Variants in AVL9 observed in about 807,000 individuals in gnomAD.
The protein encoded by AVL9 is late secretory pathway protein AVL9 homolog.
A neutral mutation model predicts 79.2 loss-of-function variants in AVL9; 49 were observed. The observed-to-expected ratio is 0.62, with a 90% confidence interval of 0.49 to 0.79. The LOEUF (loss-of-function observed/expected upper bound fraction) is 0.79. Ranked by LOEUF, AVL9 falls within the 30% of genes least tolerant of loss-of-function variation. AVL9 has a pLI of 0.00. For missense variants in AVL9, 682 were observed against 776.8 expected (o/e 0.88, Z 1.45); for synonymous variants, 299 against 280.6 (o/e 1.07, Z -0.65).
At chr7:32,512,447 A>G (rs2128118813) in intron 1 of AVL9, among the ~76,000 whole-genome samples, 1 of 152,342 alleles carries the variant, frequency 6.6e-6, no homozygotes, top group Non-Finnish European at 1.5e-5. Flanking sequence ...AACTACCAGT[A>G]GGCACAAAGC....
intron 7 of AVL9, among the ~76,000 whole-genome samples, chr7:32,554,213 TAACA>T (rs1207059126): frequency 6.6e-6 from 1 of 152,206 alleles, no homozygotes; most frequent in African/African-American, 2.4e-5. Context: ...ATTATTTATT[TAACA>T]AACATTTACT....
rs1791735894 is a variant in AVL9 at position 32,585,495 on chromosome 7, A to T, written c.*1588A>T. The T allele has an allele frequency of 6.6e-6, 1 of 152,214 alleles. No homozygotes were observed. Among genetic ancestry groups the T allele is most frequent in the Admixed American group, 6.5e-5 (1 of 15,288 alleles). 9.4% of individuals were successfully genotyped at this position (152,214 alleles called of 1,614,324 possible). On this transcript the variant is annotated 3_prime_UTR_variant, in exon 16 of 16. Coordinates refer to ENST00000318709, the MANE Select transcript of AVL9 (RefSeq NM_015060.3). Reference sequence around the variant, plus strand: ...TTCTCAGAGAGTACTTACGGGGAACAGACTGCCTTTTAGTAACAAGGGATA... The same window carrying T: ...TTCTCAGAGAGTACTTACGGGGAACTGACTGCCTTTTAGTAACAAGGGATA...
rs191502447 is a variant in AVL9, at chr7:32,569,983, C to T, written c.1216-37C>T. 2.9e-5 allele frequency: 47 copies of T among 1,607,864 alleles called. No individual in the cohort carries two copies. In the South Asian group the frequency reaches 3.6e-4, roughly 12 times the overall value. On this transcript the variant is annotated intron_variant, in intron 10 of 15. Transcript: ENST00000318709. ...GTTTAAAGAGAAAGGTAACCTTTTA[C>T]TTTTCTGATATTTTCTATTACTCTT...
intron 1 of AVL9, among the ~76,000 whole-genome samples, chr7:32,527,107 A>G (rs1402508920): frequency 6.6e-6 from 1 of 152,192 alleles, no homozygotes; most frequent in African/African-American, 2.4e-5. Context: ...AATTAGGTCA[A>G]GGTCAGACCC....
At chr7:32,580,188 C>T in intron 13 of AVL9, 31 bp from the exon 14 acceptor site, 22 of 1,566,794 alleles carry the variant, frequency 1.4e-5, no homozygotes, top group Non-Finnish European at 1.9e-5. Context: ...TGGTAAAATA[C>T]TGATAGTTTA....
chr7:32,541,355 C>T (rs532625380), intron 1 of AVL9, among the ~76,000 whole-genome samples: 5 of 151,936 alleles, frequency 3.3e-5, no homozygotes, highest in Non-Finnish European at 5.9e-5. Context: ...AATATCTGTA[C>T]ATCAAAATTT....
At chr7:32,545,362 T>TTC (rs1789435143) in intron 3 of AVL9, among the ~76,000 whole-genome samples, 1 of 122,504 alleles carries the variant, frequency 8.2e-6, no homozygotes, top group Non-Finnish European at 1.7e-5. Flanking sequence ...TCTCTAAGAT[T>TTC]TCTTTTTTTT....
At chr7:32,553,701 C>G (rs376559391) in intron 6 of AVL9, 26 bp from the exon 7 acceptor site, 2 of 1,596,344 alleles carry the variant, frequency 1.3e-6, no homozygotes, top group South Asian at 2.2e-5. Flanking sequence ...TGTAGTCACA[C>G]TTGAGCTTTT....
intron 1 of AVL9, among the ~76,000 whole-genome samples, chr7:32,523,156 A>G (rs1235100510): frequency 2.0e-5 from 3 of 150,782 alleles, no homozygotes; most frequent in Admixed American, 6.6e-5. Flanking sequence ...TAACCAAAAA[A>G]AAAAAAAAAA....
intron 1 of AVL9, among the ~76,000 whole-genome samples, chr7:32,520,684 A>T (rs1788102534): frequency 6.6e-6 from 1 of 152,216 alleles, no homozygotes; most frequent in Non-Finnish European, 1.5e-5. Flanking sequence ...AACCCAGGTC[A>T]TGGCAAATTT....
intron 10 of AVL9, among the ~76,000 whole-genome samples, chr7:32,564,061 T>C (rs1473030264): frequency 1.3e-5 from 2 of 152,132 alleles, no homozygotes; most frequent in Non-Finnish European, 2.9e-5. Context: ...CCCTCTAATT[T>C]TTACTATTGT....
intron 1 of AVL9, 22 bp downstream of exon 1, chr7:32,495,824 G>GC: frequency 8.0e-7 from 1 of 1,249,058 alleles, no homozygotes; most frequent in Non-Finnish European, 1.0e-6. Context: ...GCCCGCCCCC[G>GC]CCCCCAGCCG....
chr7:32,550,819 A>G (rs1212774685), intron 4 of AVL9, among the ~76,000 whole-genome samples: 1 of 152,312 alleles, frequency 6.6e-6, no homozygotes, highest in East Asian at 1.9e-4. Context: ...GTTCAAATAG[A>G]TATAAAAACA....
chr7:32,526,785 G>A (rs1186908402), intron 1 of AVL9, among the ~76,000 whole-genome samples: 1 of 152,124 alleles, frequency 6.6e-6, no homozygotes, highest in Non-Finnish European at 1.5e-5. Flanking sequence ...GGTTTGTTGG[G>A]TGAAAGGAAT....
In AVL9 at chr7:32,580,073, C is replaced by T. The variant is rs568337476; in HGVS notation, c.1689-146C>T. ...CGTCACTGTAAGTGGAGAGCTGTGA[C>T]CAAAGCCAAGTTTCCCGATACCAAA... On this transcript the variant is annotated intron_variant, in intron 13 of 15. Coordinates refer to ENST00000318709, the MANE Select transcript of AVL9 (RefSeq NM_015060.3). 9.6e-5 allele frequency: 61 copies of T among 632,148 alleles called. No individual in the cohort carries two copies. The African/African-American group carries it at 1.1e-3, about 12-fold the overall frequency. 39.2% of individuals were successfully genotyped at this position (632,148 alleles called of 1,614,324 possible).
At position 32,503,919 on chromosome 7, in the gene AVL9, A is replaced by T. The variant is rs562637457; in HGVS notation, c.93+8117A>T. 1.1e-4 allele frequency among the ~76,000 whole-genome samples: 16 copies of T among 152,116 alleles called. 1 individual carries two copies. In the South Asian group the frequency reaches 2.1e-3, roughly 20 times the overall value. ...GCAGGTCTCAAACTCCTGAGCTCAG[A>T]TGATCTGCCTGCCTCAGCCTCCCAA... On this transcript the variant is annotated intron_variant, in intron 1 of 15. Coordinates refer to ENST00000318709, the MANE Select transcript of AVL9 (RefSeq NM_015060.3).
chr7:32,543,251 C>G lies in AVL9; in HGVS notation c.204C>G (p.Asn68Lys). The G allele has an allele frequency of 1.2e-6, 2 of 1,613,990 alleles. No individual in the cohort carries two copies. The highest frequency in any genetic ancestry group is 3.3e-5 in the Admixed American group (2 of 59,982). Residue 68 changes from asparagine (N) to lysine (K), a missense_variant, in exon 2 of 16, where the codon AAC becomes AAG. Coordinates refer to ENST00000318709, the MANE Select transcript of AVL9 (RefSeq NM_015060.3). ...TTGCCTTACCAGATGGCGCACACAA[C>G]TACCAGGAAGGTATGTAACAAGACA... ...PFLALPDGAH[N>K]YQEDTVFFHL...
intron 1 of AVL9, among the ~76,000 whole-genome samples, chr7:32,512,994 T>C (rs559752178): frequency 2.0e-5 from 3 of 152,318 alleles, no homozygotes; most frequent in Non-Finnish European, 2.9e-5. Context: ...TGTGCACGCC[T>C]GAGGGACTTC....
chr7:32,511,461 G>A lies in AVL9; in HGVS notation c.93+15659G>A, dbSNP rs2128118260. Among the ~76,000 whole-genome samples the A allele has an allele frequency of 1.3e-5, 2 of 152,190 alleles. 1 individual carries two copies. The highest frequency in any genetic ancestry group is 4.1e-4 in the South Asian group (2 of 4,826). ...GTCCTGGAAATTCTGAACTGCCCCA[G>A]TAGGAGGGAAGCCATCTCTCTAGGA... On this transcript the variant is annotated intron_variant, in intron 1 of 15. Transcript: ENST00000318709.
Sources: gnomAD v4.1 joint callset for allele counts (sites outside exome capture counted in the v4.1 genomes callset) on GRCh38, gnomAD v4.1.1 for gene constraint, MANE v1.5 for transcripts, NCBI Gene and HGNC (gene_info 2026-07-23, HGNC 2026-07-21) for gene names.